Variants in KCNK1 observed in about 807,000 individuals in gnomAD.
KCNK1 encodes potassium two pore domain channel subfamily K member 1.
A neutral mutation model predicts 22.2 loss-of-function variants in KCNK1; 10 were observed. That is an observed-to-expected ratio of 0.45 (90% CI 0.28 to 0.76). KCNK1 has a LOEUF of 0.76. Among genes scored for constraint, KCNK1 ranks in the 30% least tolerant of loss-of-function variants. The pLI, the probability that KCNK1 is intolerant of heterozygous loss-of-function variation, is 0.14. For missense variants in KCNK1, 378 were observed against 421.0 expected (o/e 0.90, Z 0.89); for synonymous variants, 200 against 186.4 (o/e 1.07, Z -0.60).
chr1:233,650,193 A>G (rs1198476708), intron 1 of KCNK1: 3 of 370,926 alleles, frequency 8.1e-6, no homozygotes, highest in African/African-American at 6.4e-5. Flanking sequence ...AGCAGCTATC[A>G]TAGTGGGTCA....
chr1:233,619,614 A>G (rs1657542804), intron 1 of KCNK1, among the ~76,000 whole-genome samples: 1 of 152,030 alleles, frequency 6.6e-6, no homozygotes, highest in Admixed American at 6.6e-5. Context: ...TTGCGCTTTT[A>G]GAATAGAGTG....
At chr1:233,659,351 C>T (rs114101704) in intron 1 of KCNK1, among the ~76,000 whole-genome samples, 1,883 of 151,116 alleles carry the variant, frequency 0.012, 38 homozygotes, top group African/African-American at 0.043. Flanking sequence ...CCTATGATAA[C>T]AATGCTTTCT....
intron 1 of KCNK1, chr1:233,629,856 G>A (rs951793527): frequency 4.6e-5 from 7 of 152,230 alleles, no homozygotes; most frequent in Non-Finnish European, 8.8e-5. Flanking sequence ...GGAAGAGGGA[G>A]ACGGCCCTGG....
intron 1 of KCNK1, chr1:233,650,039 G>A (rs547145922): frequency 4.7e-5 from 25 of 533,430 alleles, no homozygotes; most frequent in African/African-American, 4.6e-4. Flanking sequence ...ACTTCCCTGA[G>A]AGTACACCAG....
intron 1 of KCNK1, among the ~76,000 whole-genome samples, chr1:233,634,931 A>C (rs1191957433): frequency 1.3e-5 from 2 of 152,184 alleles, no homozygotes; most frequent in Admixed American, 1.3e-4. Context: ...TTTCTTTTCC[A>C]AGTTAAATTG....
chr1:233,659,402 A>C (rs934162936), intron 1 of KCNK1, among the ~76,000 whole-genome samples: 1 of 149,896 alleles, frequency 6.7e-6, no homozygotes, highest in African/African-American at 2.4e-5. Context: ...GCTGGTTTAC[A>C]TTTGACATTT....
In KCNK1 at chr1:233,657,704, TAAAG is replaced by T. The variant is rs200421999; in HGVS notation, c.356-8881_356-8878del. On this transcript the variant is annotated intron_variant, in intron 1 of 2. Transcript: ENST00000366621. ...GAGAAAGAAAAGAAAGAAAGAGAAA[TAAAG>T]AAAGAAAGAGAGAGAGAGAGAAAGA... 6.7e-4 allele frequency among the ~76,000 whole-genome samples: 100 copies of T among 150,164 alleles called. 2 individuals are homozygous for T. The East Asian group carries it at 0.011, about 16-fold the overall frequency.
intron 1 of KCNK1, among the ~76,000 whole-genome samples, chr1:233,643,598 A>T (rs1658039601): frequency 1.3e-5 from 2 of 152,064 alleles, no homozygotes; most frequent in African/African-American, 4.8e-5. Flanking sequence ...AAGAAGAGAG[A>T]TGGAGACTTG....
chr1:233,647,633 A>G (rs988845587), intron 1 of KCNK1, among the ~76,000 whole-genome samples: 8 of 152,110 alleles, frequency 5.3e-5, no homozygotes, highest in Admixed American at 4.6e-4. Flanking sequence ...AGTTTTGGCT[A>G]TGAATTCTCT....
chr1:233,617,550 C>G (rs112955402), intron 1 of KCNK1, among the ~76,000 whole-genome samples: 15 of 152,150 alleles, frequency 9.9e-5, no homozygotes, highest in African/African-American at 3.6e-4. Flanking sequence ...AATGAAGACC[C>G]CAAGAAACAG....
chr1:233,645,039 A>C (rs1658068354), intron 1 of KCNK1, among the ~76,000 whole-genome samples: 2 of 151,346 alleles, frequency 1.3e-5, no homozygotes, highest in African/African-American at 4.9e-5. Context: ...CTAAAAATAC[A>C]AAAAATTAGC....
chr1:233,645,141 C>T (rs991824531), intron 1 of KCNK1, among the ~76,000 whole-genome samples: 12 of 149,396 alleles, frequency 8.0e-5, no homozygotes, highest in African/African-American at 2.0e-4. Flanking sequence ...TTGCAGTGAG[C>T]GGAGATCATG....
intron 1 of KCNK1, among the ~76,000 whole-genome samples, chr1:233,662,290 T>C (rs534852174): frequency 6.7e-6 from 1 of 149,974 alleles, no homozygotes; most frequent in South Asian, 2.1e-4. Flanking sequence ...CCTCCTCCTC[T>C]TCCTCTTCTT....
chr1:233,620,751 CTATAA>C (rs1657572177), intron 1 of KCNK1, among the ~76,000 whole-genome samples: 1 of 151,844 alleles, frequency 6.6e-6, no homozygotes, highest in African/African-American at 2.4e-5. Flanking sequence ...GTTTTCAAGC[CTATAA>C]TATAAGAAAT....
chr1:233,668,427 CAG>C (rs1327168227), intron 2 of KCNK1, among the ~76,000 whole-genome samples: 1 of 152,128 alleles, frequency 6.6e-6, no homozygotes, highest in African/African-American at 2.4e-5. Context: ...ACAAGTTCGA[CAG>C]ACTTTTTTTT....
chr1:233,614,860 C>T (rs1327345308), intron 1 of KCNK1, among the ~76,000 whole-genome samples: 1 of 152,304 alleles, frequency 6.6e-6, no homozygotes, highest in Non-Finnish European at 1.5e-5. Flanking sequence ...GTGCTTCCTC[C>T]CCTTGAGTTC....
chr1:233,621,528 G>A (rs750073677), intron 1 of KCNK1, among the ~76,000 whole-genome samples: 2 of 152,128 alleles, frequency 1.3e-5, no homozygotes, highest in African/African-American at 2.4e-5. Flanking sequence ...GTTTTAGAGC[G>A]CAATATAGTA....
chr1:233,639,206 C>T (rs549911628), intron 1 of KCNK1, among the ~76,000 whole-genome samples: 1 of 152,312 alleles, frequency 6.6e-6, no homozygotes, highest in South Asian at 2.1e-4. Flanking sequence ...CTTTTTCTTT[C>T]TTATATAGCA....
chr1:233,656,857 A>G (rs572441925), intron 1 of KCNK1, among the ~76,000 whole-genome samples: 5 of 152,270 alleles, frequency 3.3e-5, no homozygotes, highest in African/African-American at 7.2e-5. Flanking sequence ...GCCTCAAGCA[A>G]TCCTCTCACC....
Sources: gnomAD v4.1 joint callset for allele counts (sites outside exome capture counted in the v4.1 genomes callset) on GRCh38, gnomAD v4.1.1 for gene constraint, MANE v1.5 for transcripts, NCBI Gene and HGNC (gene_info 2026-07-23, HGNC 2026-07-21) for gene names.